Variants in BRINP1 observed in about 807,000 individuals in gnomAD.
The protein encoded by BRINP1 is BMP/retinoic acid-inducible neural-specific protein 1.
Under a neutral mutation model 72.9 loss-of-function variants are expected in BRINP1, and 17 were observed. The ratio of observed to expected loss-of-function variants is 0.23; its 90% CI spans 0.16 to 0.35. The LOEUF (loss-of-function observed/expected upper bound fraction) is 0.35. Among genes scored for constraint, BRINP1 ranks in the 10% least tolerant of loss-of-function variants. The pLI is 1.00. For synonymous variants in BRINP1, 418 were observed against 378.5 expected (o/e 1.10, Z -1.21); for missense variants, 850 against 1,001.6 (o/e 0.85, Z 2.04).
chr9:119,205,118 A>G (rs1422977472), intron 7 of BRINP1, among the ~76,000 whole-genome samples: 1 of 152,014 alleles, frequency 6.6e-6, no homozygotes, highest in East Asian at 1.9e-4. Flanking sequence ...CATGCCAGAG[A>G]GGTGCCCTGC....
At chr9:119,173,407 T>C (rs1238370839) in intron 7 of BRINP1, among the ~76,000 whole-genome samples, 1 of 148,814 alleles carries the variant, frequency 6.7e-6, no homozygotes, top group Non-Finnish European at 1.5e-5. Context: ...ATAAAATACC[T>C]AGGAATCCAA....
intron 5 of BRINP1, among the ~76,000 whole-genome samples, chr9:119,237,816 C>T (rs753213229): frequency 4.6e-5 from 7 of 151,876 alleles, no homozygotes; most frequent in South Asian, 4.2e-4. Flanking sequence ...CGCACACCAC[C>T]GCGCCCAGCT....
intron 2 of BRINP1, among the ~76,000 whole-genome samples, chr9:119,263,762 C>T (rs1200611875): frequency 6.6e-6 from 1 of 151,844 alleles, no homozygotes; most frequent in Non-Finnish European, 1.5e-5. Flanking sequence ...TGCCCACTAC[C>T]ACGTCTGGCT....
At chr9:119,336,344 A>T (rs1245001467) in intron 1 of BRINP1, among the ~76,000 whole-genome samples, 2 of 152,174 alleles carry the variant, frequency 1.3e-5, no homozygotes, top group Non-Finnish European at 2.9e-5. Flanking sequence ...TCCTGTTCCT[A>T]CATACGTTGA....
chr9:119,251,044 A>G (rs1830382031), intron 2 of BRINP1, among the ~76,000 whole-genome samples: 1 of 152,182 alleles, frequency 6.6e-6, no homozygotes, highest in Admixed American at 6.5e-5. Context: ...GGTCTGAGAA[A>G]AGCTTTCACA....
At chr9:119,355,984 A>T (rs565711805) in intron 1 of BRINP1, among the ~76,000 whole-genome samples, 1 of 152,086 alleles carries the variant, frequency 6.6e-6, no homozygotes, top group Admixed American at 6.6e-5. Context: ...AAAATTTGGT[A>T]TAGAGATAAA....
rs56746264 is a variant in BRINP1 at position 119,365,961 on chromosome 9, G to C, written c.-51+3095C>G. On this transcript the variant is annotated intron_variant, in intron 1 of 7. Coordinates refer to ENST00000265922, the MANE Select transcript of BRINP1 (RefSeq NM_014618.3). The stretch of plus-strand genomic sequence containing the variant: ...AGTATCTGCCTGCACCCCGAAACAG[G>C]CATCTAGAAGTCTAAGAGCACGCTT... Among the ~76,000 whole-genome samples, 103 of 152,178 alleles carry C rather than the reference G, an allele frequency of 6.8e-4. 1 individual carries two copies. The highest frequency in any genetic ancestry group is 2.3e-3 in the African/African-American group (97 of 41,510).
intron 7 of BRINP1, among the ~76,000 whole-genome samples, chr9:119,206,969 A>G (rs1322191870): frequency 2.0e-5 from 3 of 152,352 alleles, no homozygotes; most frequent in Non-Finnish European, 4.4e-5. Context: ...ACAAAACAAT[A>G]TAATTATCAC....
intron 1 of BRINP1, among the ~76,000 whole-genome samples, chr9:119,355,849 C>T (rs1199367246): frequency 6.6e-6 from 1 of 151,934 alleles, no homozygotes; most frequent in East Asian, 1.9e-4. Context: ...TTTTGTTTTC[C>T]TTTTTTCTCC....
intron 2 of BRINP1, among the ~76,000 whole-genome samples, chr9:119,293,603 C>T (rs1830842884): frequency 6.6e-6 from 1 of 152,150 alleles, no homozygotes; most frequent in South Asian, 2.1e-4. Flanking sequence ...GTATATCACA[C>T]TGGATAAATA....
chr9:119,283,583 C>T (rs948162409), intron 2 of BRINP1, among the ~76,000 whole-genome samples: 16 of 152,254 alleles, frequency 1.1e-4, no homozygotes, highest in African/African-American at 3.9e-4. Flanking sequence ...GGCTGGAGTG[C>T]GACGGCACGA....
At chr9:119,232,662 GC>G (rs1210557548) in intron 5 of BRINP1, among the ~76,000 whole-genome samples, 1 of 152,032 alleles carries the variant, frequency 6.6e-6, no homozygotes, top group African/African-American at 2.4e-5. Flanking sequence ...TACAGTTGGT[GC>G]TCTGTAAATA....
At chr9:119,347,074 C>G (rs1450511746) in intron 1 of BRINP1, among the ~76,000 whole-genome samples, 1 of 152,162 alleles carries the variant, frequency 6.6e-6, no homozygotes, top group Non-Finnish European at 1.5e-5. Flanking sequence ...TCCCTCTTGC[C>G]CCAAAATATC....
chr9:119,167,842 T>C lies in BRINP1; in HGVS notation c.1528A>G (p.Ile510Val). ...GGGTCAAAGAAGGTGTCGAGGCGGATCTCGTTGCTGATGAAGGTGGTGTGG... is the reference window on the plus strand; with the variant it reads ...GGGTCAAAGAAGGTGTCGAGGCGGACCTCGTTGCTGATGAAGGTGGTGTGG... ...YVHTTFISNE[I>V]RLDTFFDPRW... The change falls in exon 8 of 8, where the codon ATC (isoleucine) becomes GTC (valine). Residue 510 changes from isoleucine to valine, a missense_variant. By Grantham distance (29) the Ile-to-Val change is conservative. Coordinates refer to ENST00000265922, the MANE Select transcript of BRINP1 (RefSeq NM_014618.3). This position sits in a 1 kb window ranked among gnomAD's most constrained non-coding sequence, Gnocchi z 4.3. The C allele has an allele frequency of 1.9e-6, 3 of 1,614,076 alleles. No individual in the cohort carries two copies. Among genetic ancestry groups the C allele is most frequent in the Non-Finnish European group, 2.5e-6 (3 of 1,180,014 alleles).
chr9:119,304,227 G>A (rs1185634784), intron 2 of BRINP1, among the ~76,000 whole-genome samples: 2 of 151,988 alleles, frequency 1.3e-5, no homozygotes, highest in Admixed American at 1.3e-4. Context: ...CTATAATCTT[G>A]GAATTTATCC....
intron 1 of BRINP1, among the ~76,000 whole-genome samples, chr9:119,329,431 C>A (rs1255024227): frequency 6.6e-6 from 1 of 152,142 alleles, no homozygotes; most frequent in Non-Finnish European, 1.5e-5. Context: ...TGTCACTTGT[C>A]TGTGACAATC....
intron 7 of BRINP1, among the ~76,000 whole-genome samples, chr9:119,177,606 C>T (rs952889015): frequency 2.6e-5 from 4 of 152,208 alleles, no homozygotes; most frequent in Admixed American, 2.0e-4. Flanking sequence ...AGAGCGCCCC[C>T]TTTCTCGTGT....
At chr9:119,218,217 T>C (rs2118881879) in intron 5 of BRINP1, among the ~76,000 whole-genome samples, 1 of 150,578 alleles carries the variant, frequency 6.6e-6, no homozygotes, top group East Asian at 2.0e-4. Context: ...TTTTTTTTTT[T>C]TTTTTTGAGA....
chr9:119,167,755 G>A lies in BRINP1; in HGVS notation c.1615C>T (p.His539Tyr). The change falls in exon 8 of 8, where the codon CAC (histidine) becomes TAC (tyrosine). Residue 539 changes from histidine to tyrosine, a missense_variant. Physicochemically the swap from His to Tyr is moderately conservative, Grantham distance 83. Transcript: ENST00000265922. The surrounding 1 kb of genome is among the most constrained non-coding windows in gnomAD (Gnocchi z 4.3). ...KSNKNRMDFI[H>Y]MVIGMSMRIC... ...CGCATGGACATGCCGATCACCATGTGGATGAAGTCCATGCGGTTCTTGTTG... is the reference window on the plus strand; with the variant it reads ...CGCATGGACATGCCGATCACCATGTAGATGAAGTCCATGCGGTTCTTGTTG... 1 of 1,614,178 alleles carries A rather than the reference G, an allele frequency of 6.2e-7. No homozygotes were observed. The highest frequency in any genetic ancestry group is 8.5e-7 in the Non-Finnish European group (1 of 1,180,034).
Sources: allele counts gnomAD v4.1 joint callset (sites outside exome capture counted in the v4.1 genomes callset), GRCh38; gene constraint gnomAD v4.1.1; non-coding constraint Gnocchi (gnomAD v3.1); transcripts MANE v1.5; gene names NCBI Gene and HGNC (gene_info 2026-07-23, HGNC 2026-07-21).